The following TMTC2 variants were observed in gnomAD, a reference collection of about 807,000 sequenced individuals.
TMTC2 encodes protein O-mannosyl-transferase TMTC2.
In TMTC2, 43 loss-of-function variants were observed where a neutral mutation model predicts 82.4. The observed-to-expected ratio is 0.52, with a 90% CI of 0.41 to 0.67. The LOEUF is 0.67. TMTC2 is among the 30% of genes least tolerant of loss of function. The pLI is 0.00. For missense variants in TMTC2, 919 were observed against 1,012.4 expected (o/e 0.91, Z 1.25); for synonymous variants, 408 against 381.9 (o/e 1.07, Z -0.80).
intron 1 of TMTC2, among the ~76,000 whole-genome samples, chr12:82,808,179 A>C (rs903152081): frequency 2.0e-5 from 3 of 152,006 alleles, no homozygotes; most frequent in Non-Finnish European, 4.4e-5. Flanking sequence ...AATGTCATTA[A>C]AATTACAATT....
intron 2 of TMTC2, among the ~76,000 whole-genome samples, chr12:82,875,497 C>T (rs1009381138): frequency 1.3e-5 from 2 of 152,120 alleles, no homozygotes; most frequent in African/African-American, 4.8e-5. Context: ...ATCAGGTATA[C>T]TAGTGAGCTC....
At chr12:83,059,565 G>T (rs1391494308) in intron 10 of TMTC2, among the ~76,000 whole-genome samples, 1 of 151,374 alleles carries the variant, frequency 6.6e-6, no homozygotes, top group African/African-American at 2.4e-5. Context: ...ATCCTAGTGG[G>T]GTTTTTTTCC....
chr12:82,829,654 G>A (rs902274698), intron 1 of TMTC2, among the ~76,000 whole-genome samples: 1 of 152,140 alleles, frequency 6.6e-6, no homozygotes, highest in Non-Finnish European at 1.5e-5. Flanking sequence ...CCATATTACT[G>A]TAAAAAGTTA....
In TMTC2 at chr12:82,687,275, G is replaced by C. The variant is rs1269001384; in HGVS notation, c.-312G>C. On this transcript the variant is annotated 5_prime_UTR_variant, in exon 1 of 12. Transcript: ENST00000321196. ...TGGGTTAGGGTGGGGATCGCGACCC[G>C]CGCGAAAGACCAGCCCTGCGCTTCC... 1 of 447,802 alleles carries C rather than the reference G, an allele frequency of 2.2e-6. No homozygotes were observed. The allele number at this position is 447,802 out of a possible 1,614,324, so 27.7% of individuals were successfully genotyped here.
intron 11 of TMTC2, among the ~76,000 whole-genome samples, chr12:83,071,529 G>T (rs1326792362): frequency 2.6e-5 from 4 of 152,008 alleles, no homozygotes; most frequent in Admixed American, 2.0e-4. Flanking sequence ...CTTCATAAGG[G>T]TTCCTTCTTT....
intron 3 of TMTC2, among the ~76,000 whole-genome samples, chr12:82,910,493 C>T (rs1295405454): frequency 2.0e-5 from 3 of 152,296 alleles, no homozygotes; most frequent in Non-Finnish European, 2.9e-5. Flanking sequence ...CCTCTATAGG[C>T]GGCTTGTGTT....
intron 8 of TMTC2, among the ~76,000 whole-genome samples, chr12:82,996,695 T>C (rs1161277848): frequency 1.3e-5 from 2 of 152,246 alleles, no homozygotes; most frequent in Admixed American, 6.5e-5. Context: ...TAAAGCCATA[T>C]ATAATGATGT....
intron 2 of TMTC2, among the ~76,000 whole-genome samples, chr12:82,881,328 C>A (rs909285422): frequency 6.6e-6 from 1 of 152,052 alleles, no homozygotes; most frequent in Non-Finnish European, 1.5e-5. Flanking sequence ...AAAATCTTAC[C>A]GTGAATTTGT....
At position 83,121,790 on chromosome 12, in the gene TMTC2, C is replaced by T. The variant is rs140218016; in HGVS notation, c.2332-10420C>T. 6.2e-3 allele frequency among the ~76,000 whole-genome samples: 943 copies of T among 152,112 alleles called. 13 individuals carry two copies. The highest frequency in any genetic ancestry group is 0.022 in the African/African-American group (894 of 41,496). On this transcript the variant is annotated intron_variant, in intron 11 of 11. Transcript: ENST00000321196. The stretch of plus-strand genomic sequence containing the variant: ...ACCATTGGTTGGGGGCAGGGCTAGG[C>T]GTGTCTGAGCTCACTCTCCTTGGGC...
chr12:82,721,708 C>T (rs192776019), intron 1 of TMTC2, among the ~76,000 whole-genome samples: 6 of 152,218 alleles, frequency 3.9e-5, no homozygotes, highest in South Asian at 4.1e-4. Context: ...AAAATATGCA[C>T]GCTATTTAAA....
At chr12:83,092,883 T>C (rs1883888620) in intron 11 of TMTC2, among the ~76,000 whole-genome samples, 1 of 152,218 alleles carries the variant, frequency 6.6e-6, no homozygotes, top group Non-Finnish European at 1.5e-5. Context: ...GGAAGGATTC[T>C]TCCCTCTGTG....
intron 1 of TMTC2, among the ~76,000 whole-genome samples, chr12:82,850,171 G>A (rs1870895542): frequency 6.6e-6 from 1 of 152,088 alleles, no homozygotes; most frequent in African/African-American, 2.4e-5. Flanking sequence ...GCAAAAACAT[G>A]TAGTGTCCAG....
intron 11 of TMTC2, among the ~76,000 whole-genome samples, chr12:83,102,580 C>G (rs1186622836): frequency 6.6e-6 from 1 of 152,142 alleles, no homozygotes; most frequent in Non-Finnish European, 1.5e-5. Flanking sequence ...TTTGATACTT[C>G]TGATAAATAA....
At chr12:82,845,521 C>G (rs1266203353) in intron 1 of TMTC2, among the ~76,000 whole-genome samples, 1 of 151,794 alleles carries the variant, frequency 6.6e-6, no homozygotes, top group African/African-American at 2.4e-5. Flanking sequence ...CTAGTTGTTT[C>G]TAATTTCAAA....
chr12:82,942,648 C>A (rs887346772), intron 4 of TMTC2, among the ~76,000 whole-genome samples: 6 of 152,016 alleles, frequency 3.9e-5, no homozygotes, highest in African/African-American at 1.4e-4. Context: ...ATTAAATTAT[C>A]CATTCTTGAG....
intron 2 of TMTC2, among the ~76,000 whole-genome samples, chr12:82,866,244 C>CAAAA (rs762068833): frequency 3.8e-5 from 2 of 52,332 alleles, no homozygotes; most frequent in African/African-American, 5.9e-5. Flanking sequence ...TTGAAAAGAT[C>CAAAA]AAAAAAAAAA....
chr12:83,076,161 A>C (rs1883277945), intron 11 of TMTC2, among the ~76,000 whole-genome samples: 1 of 152,182 alleles, frequency 6.6e-6, no homozygotes, highest in African/African-American at 2.4e-5. Context: ...TATTCATCAC[A>C]ATCTACATGC....
At chr12:82,755,317 A>G (rs1158833892) in intron 1 of TMTC2, among the ~76,000 whole-genome samples, 2 of 152,108 alleles carry the variant, frequency 1.3e-5, no homozygotes, top group African/African-American at 4.8e-5. Context: ...TTTTCTTCTT[A>G]TAGTCTGGAA....
chr12:82,735,256 C>G (rs1875024997), intron 1 of TMTC2, among the ~76,000 whole-genome samples: 1 of 151,994 alleles, frequency 6.6e-6, no homozygotes. Flanking sequence ...AATCAGTAAC[C>G]ACTTATACTG....
Sources: allele counts gnomAD v4.1 joint callset (sites outside exome capture counted in the v4.1 genomes callset), GRCh38; gene constraint gnomAD v4.1.1; transcripts MANE v1.5; gene names NCBI Gene and HGNC (gene_info 2026-07-23, HGNC 2026-07-21).